The following DPYD variants were observed in gnomAD, a reference collection of about 807,000 sequenced individuals.
DPYD encodes dihydropyrimidine dehydrogenase [NADP(+)].
Under a neutral mutation model 116.2 loss-of-function variants are expected in DPYD, and 109 were observed. The ratio of observed to expected loss-of-function variants is 0.94; its 90% CI spans 0.80 to 1.10. The LOEUF (loss-of-function observed/expected upper bound fraction) is 1.10, where lower values mean the gene tolerates loss of function less well. Ranked by LOEUF, DPYD falls within the 50% of genes least tolerant of loss-of-function variation. DPYD has a pLI of 0.00. For missense variants in DPYD, 1,302 were observed against 1,254.5 expected, an observed-to-expected ratio of 1.04 and a Z score of -0.57; for synonymous variants, 440 against 432.0, an observed-to-expected ratio of 1.02 and a Z score of -0.23.
Position 97,772,305 on chromosome 1 carries a change from T to C in DPYD, c.234-31826A>G, listed in dbSNP as rs1177520853. Reference sequence around the variant, plus strand: ...TACAGCAGGGGATGAGTCAAATCCATGTTTGACCTTAAAGAACTCAGAAAT... The same window carrying C: ...TACAGCAGGGGATGAGTCAAATCCACGTTTGACCTTAAAGAACTCAGAAAT... On this transcript the variant is annotated intron_variant, in intron 3 of 22. Coordinates refer to ENST00000370192, the MANE Select transcript of DPYD (RefSeq NM_000110.4). Among the ~76,000 whole-genome samples the C allele has an allele frequency of 3.3e-5, 5 of 152,188 alleles. No homozygotes were observed. In the South Asian group the frequency reaches 6.2e-4, roughly 19 times the overall value.
intron 8 of DPYD, among the ~76,000 whole-genome samples, chr1:97,602,703 A>G (rs1178626073): frequency 1.3e-5 from 2 of 151,954 alleles, no homozygotes; most frequent in Non-Finnish European, 2.9e-5. Context: ...TTTATAACAG[A>G]TCATGTCTAT....
intron 16 of DPYD, among the ~76,000 whole-genome samples, chr1:97,372,093 A>C (rs1190687038): frequency 6.6e-6 from 1 of 152,200 alleles, no homozygotes; most frequent in Non-Finnish European, 1.5e-5. Context: ...AAATAAACTC[A>C]GGTGGGACTA....
intron 20 of DPYD, among the ~76,000 whole-genome samples, chr1:97,117,325 C>T (rs998075746): frequency 2.0e-5 from 3 of 152,186 alleles, no homozygotes; most frequent in African/African-American, 4.8e-5. Context: ...TATATGTGAA[C>T]GTATGGATGA....
intron 18 of DPYD, among the ~76,000 whole-genome samples, chr1:97,251,011 G>A (rs1330209718): frequency 1.3e-5 from 2 of 152,104 alleles, no homozygotes; most frequent in African/African-American, 4.8e-5. Context: ...TCTCCTATAT[G>A]AATCCACTTC....
intron 12 of DPYD, among the ~76,000 whole-genome samples, chr1:97,525,258 G>T (rs1483461775): frequency 2.0e-5 from 3 of 152,070 alleles, no homozygotes; most frequent in Non-Finnish European, 2.9e-5. Flanking sequence ...TGATTGTGGT[G>T]ATGGTTGCAT....
At chr1:97,145,235 T>C (rs1221339604) in intron 20 of DPYD, among the ~76,000 whole-genome samples, 1 of 152,140 alleles carries the variant, frequency 6.6e-6, no homozygotes, top group Non-Finnish European at 1.5e-5. Flanking sequence ...AAATGTATAT[T>C]AGCCTCAAGG....
At chr1:97,505,875 T>C (rs1647289177) in intron 13 of DPYD, among the ~76,000 whole-genome samples, 1 of 151,846 alleles carries the variant, frequency 6.6e-6, no homozygotes, top group Non-Finnish European at 1.5e-5. Context: ...TAGAAAAACA[T>C]GCAAATGAGG....
chr1:97,880,361 G>T (rs1672145092), intron 2 of DPYD, among the ~76,000 whole-genome samples: 1 of 151,492 alleles, frequency 6.6e-6, no homozygotes, highest in South Asian at 2.1e-4. Context: ...ATCCTACTTG[G>T]GTCTTTATGA....
At chr1:97,831,747 A>G (rs1215771403) in intron 2 of DPYD, among the ~76,000 whole-genome samples, 2 of 151,908 alleles carry the variant, frequency 1.3e-5, no homozygotes, top group Admixed American at 1.3e-4. Context: ...GGGGACAGAG[A>G]GAATGAATGA....
intron 19 of DPYD, among the ~76,000 whole-genome samples, chr1:97,202,890 C>T (rs893698266): frequency 6.6e-6 from 1 of 152,188 alleles, no homozygotes; most frequent in Non-Finnish European, 1.5e-5. Context: ...ACAGGTACAA[C>T]ATGTAGGGCC....
At chr1:97,705,023 C>T (rs115538235) in intron 5 of DPYD, among the ~76,000 whole-genome samples, 132 of 152,134 alleles carry the variant, frequency 8.7e-4, no homozygotes, top group African/African-American at 3.0e-3. Flanking sequence ...TTCAACCCTC[C>T]TTTATGGAGG....
At chr1:97,893,429 C>CATATATATATATAT (rs59336649) in intron 1 of DPYD, among the ~76,000 whole-genome samples, 764 of 71,780 alleles carry the variant, frequency 0.011, 27 homozygotes, top group African/African-American at 0.015. Flanking sequence ...ATATCCATCG[C>CATATATATATATAT]ATATATATAT....
At chr1:97,110,191 T>G (rs560732874) in intron 20 of DPYD, among the ~76,000 whole-genome samples, 40 of 152,254 alleles carry the variant, frequency 2.6e-4, no homozygotes, top group African/African-American at 8.7e-4. Context: ...ACTCCTTCTT[T>G]CAGATGTATT....
At chr1:97,740,367 T>C (rs1346805737) in intron 4 of DPYD, 25 bp downstream of exon 4, 4 of 1,563,906 alleles carry the variant, frequency 2.6e-6, no homozygotes, top group Non-Finnish European at 1.8e-6. Flanking sequence ...GTTATTTTCA[T>C]TTGCAGAGTT....
At chr1:97,203,698 C>T (rs1249628378) in intron 19 of DPYD, among the ~76,000 whole-genome samples, 2 of 48,418 alleles carry the variant, frequency 4.1e-5, no homozygotes, top group Non-Finnish European at 7.1e-5. Context: ...GAGAAAAAGT[C>T]TATAGGGAAA....
At chr1:97,125,645 A>G (rs1570502069) in intron 20 of DPYD, among the ~76,000 whole-genome samples, 3 of 152,198 alleles carry the variant, frequency 2.0e-5, no homozygotes, top group South Asian at 4.1e-4. Context: ...AGTAGGAGGT[A>G]GGGACTTTGG....
chr1:97,771,146 C>T (rs535232348), intron 3 of DPYD, among the ~76,000 whole-genome samples: 8 of 152,022 alleles, frequency 5.3e-5, no homozygotes, highest in African/African-American at 1.2e-4. Context: ...GGTGAAACCC[C>T]GCCTCTACTA....
intron 8 of DPYD, among the ~76,000 whole-genome samples, chr1:97,600,392 G>T (rs1216924078): frequency 6.6e-6 from 1 of 152,120 alleles, no homozygotes; most frequent in Non-Finnish European, 1.5e-5. Flanking sequence ...GAATAAACCA[G>T]GCTAACTTCC....
At chr1:97,782,846 G>A (rs1433133812) in intron 3 of DPYD, among the ~76,000 whole-genome samples, 1 of 152,114 alleles carries the variant, frequency 6.6e-6, no homozygotes, top group Non-Finnish European at 1.5e-5. Flanking sequence ...TAGGAGTCAG[G>A]ACTGAGAAAG....
Sources: gnomAD v4.1 joint callset for allele counts (sites outside exome capture counted in the v4.1 genomes callset) on GRCh38, gnomAD v4.1.1 for gene constraint, MANE v1.5 for transcripts, NCBI Gene and HGNC (gene_info 2026-07-23, HGNC 2026-07-21) for gene names.